The following SOX6 variants were observed in gnomAD, a reference collection of about 807,000 sequenced individuals.
SOX6 encodes the protein transcription factor SOX-6.
In SOX6, 11 loss-of-function variants were observed where a neutral mutation model predicts 97.8. That is an observed-to-expected ratio of 0.11 (90% CI 0.07 to 0.19). SOX6 has a LOEUF of 0.19. Ranked by LOEUF, SOX6 falls within the 10% of genes least tolerant of loss-of-function variation. The pLI is 1.00. For missense variants in SOX6, 810 were observed against 1,039.5 expected (o/e 0.78, Z 3.04); for synonymous variants, 360 against 371.4 (o/e 0.97, Z 0.35).
intron 9 of SOX6, among the ~76,000 whole-genome samples, chr11:16,066,474 T>G (rs760106420): frequency 2.6e-5 from 4 of 152,226 alleles, no homozygotes; most frequent in Non-Finnish European, 5.9e-5. Flanking sequence ...CAGCACTGTT[T>G]GCAATACCAA....
intron 1 of SOX6, among the ~76,000 whole-genome samples, chr11:16,374,958 G>A (rs297334): frequency 0.68 from 103,724 of 151,706 alleles, 35,646 homozygotes; most frequent in Non-Finnish European, 0.72. Flanking sequence ...TTAAAAAAAG[G>A]AGACAACTAC....
At chr11:16,298,667 G>C (rs1011273124) in intron 3 of SOX6, among the ~76,000 whole-genome samples, 2 of 151,994 alleles carry the variant, frequency 1.3e-5, no homozygotes, top group Admixed American at 1.3e-4. Flanking sequence ...CCTTCGAAGA[G>C]ATTTTAACTT....
At chr11:16,335,133 T>C (rs757074460) in intron 2 of SOX6, among the ~76,000 whole-genome samples, 23 of 152,136 alleles carry the variant, frequency 1.5e-4, no homozygotes, top group Admixed American at 1.1e-3. Flanking sequence ...CTGAAACAGG[T>C]TGAAAAAGAG....
intron 1 of SOX6, among the ~76,000 whole-genome samples, chr11:16,453,477 C>A (rs1195885440): frequency 6.6e-6 from 1 of 151,994 alleles, no homozygotes; most frequent in African/African-American, 2.4e-5. Context: ...ACCTTTGTAC[C>A]AACAAATAAT....
chr11:16,464,226 T>C (rs1273256327), intron 1 of SOX6, among the ~76,000 whole-genome samples: 1 of 152,184 alleles, frequency 6.6e-6, no homozygotes, highest in African/African-American at 2.4e-5. Flanking sequence ...AATTATCCTA[T>C]CTTCATCACC....
intron 4 of SOX6, among the ~76,000 whole-genome samples, chr11:16,199,239 T>C (rs1851868445): frequency 6.6e-6 from 1 of 152,142 alleles, no homozygotes; most frequent in African/African-American, 2.4e-5. Context: ...GTTGCACAAG[T>C]GGTAGAAAAT....
At chr11:16,064,475 AC>A (rs1387677732) in intron 9 of SOX6, among the ~76,000 whole-genome samples, 1 of 147,250 alleles carries the variant, frequency 6.8e-6, no homozygotes, top group Non-Finnish European at 1.5e-5. Context: ...TACTCATTCT[AC>A]AAGGCCAGTA....
At chr11:16,602,599 A>T (rs977107334) in intron 4 of SOX6, among the ~76,000 whole-genome samples, 2 of 152,192 alleles carry the variant, frequency 1.3e-5, no homozygotes, top group African/African-American at 4.8e-5. Flanking sequence ...AAGATACCTA[A>T]ATCAGTCATA....
At chr11:16,414,558 G>C (rs565081642) in intron 1 of SOX6, among the ~76,000 whole-genome samples, 1 of 152,030 alleles carries the variant, frequency 6.6e-6, no homozygotes, top group African/African-American at 2.4e-5. Context: ...TAATACCCCT[G>C]CAAGTTTAAA....
intron 1 of SOX6, among the ~76,000 whole-genome samples, chr11:16,436,837 T>C (rs1357787938): frequency 6.6e-6 from 1 of 152,168 alleles, no homozygotes; most frequent in Non-Finnish European, 1.5e-5. Context: ...TGTAGCCTCT[T>C]AAATTCAATA....
chr11:16,212,712 T>TACC (rs1009869961), intron 4 of SOX6, among the ~76,000 whole-genome samples: 4 of 152,230 alleles, frequency 2.6e-5, no homozygotes, highest in Admixed American at 2.0e-4. Flanking sequence ...ACAAGTAGTT[T>TACC]ATGAGAATCT....
chr11:16,103,293 C>G (rs558449820), intron 7 of SOX6, among the ~76,000 whole-genome samples: 1 of 151,748 alleles, frequency 6.6e-6, no homozygotes, highest in African/African-American at 2.4e-5. Flanking sequence ...CACTAATTGT[C>G]AGGGAAGTGC....
intron 4 of SOX6, among the ~76,000 whole-genome samples, chr11:16,522,795 G>C (rs900724682): frequency 5.3e-5 from 8 of 152,110 alleles, no homozygotes; most frequent in African/African-American, 1.9e-4. Flanking sequence ...GATCTACCAA[G>C]CAAATGGAAA....
intron 7 of SOX6, among the ~76,000 whole-genome samples, chr11:16,105,769 T>C (rs972365813): frequency 1.3e-5 from 2 of 152,076 alleles, no homozygotes; most frequent in Non-Finnish European, 2.9e-5. Flanking sequence ...GGTAAAACTA[T>C]TTGTATTTGC....
chr11:16,433,385 T>C (rs1040707702), intron 1 of SOX6, among the ~76,000 whole-genome samples: 28 of 152,054 alleles, frequency 1.8e-4, no homozygotes, highest in African/African-American at 6.0e-4. Flanking sequence ...GAGTATATGA[T>C]ATGTAAGACG....
chr11:16,303,515 A>G (rs1374911933), intron 3 of SOX6, among the ~76,000 whole-genome samples: 1 of 152,216 alleles, frequency 6.6e-6, no homozygotes, highest in African/African-American at 2.4e-5. Context: ...CTTGATTACT[A>G]CAGCTGTATA....
At chr11:16,345,716 C>T (rs1856759068) in intron 1 of SOX6, among the ~76,000 whole-genome samples, 1 of 151,980 alleles carries the variant, frequency 6.6e-6, no homozygotes, top group African/African-American at 2.4e-5. Context: ...ATCATATTTT[C>T]TAGAACTTTT....
intron 1 of SOX6, among the ~76,000 whole-genome samples, chr11:16,392,149 G>T (rs1281239981): frequency 6.6e-6 from 1 of 152,068 alleles, no homozygotes; most frequent in Admixed American, 6.6e-5. Flanking sequence ...AAATAAAGCC[G>T]CATGTTTCTA....
intron 9 of SOX6, among the ~76,000 whole-genome samples, chr11:16,089,588 T>A (rs1590189298): frequency 1.3e-5 from 2 of 152,064 alleles, no homozygotes; most frequent in African/African-American, 4.8e-5. Context: ...ATCAGTACAT[T>A]GAGTTTAAAT....
Sources: allele counts gnomAD v4.1 joint callset (sites outside exome capture counted in the v4.1 genomes callset), GRCh38; gene constraint gnomAD v4.1.1; transcripts MANE v1.5; gene names NCBI Gene and HGNC (gene_info 2026-07-23, HGNC 2026-07-21).